Variants in STOX2 observed in about 807,000 individuals in gnomAD.
STOX2 encodes the protein storkhead-box protein 2.
Under a neutral mutation model 60.9 loss-of-function variants are expected in STOX2, and 28 were observed. That is an observed-to-expected ratio of 0.46 (90% CI 0.34 to 0.63). The LOEUF (loss-of-function observed/expected upper bound fraction) is 0.63, where lower values mean the gene tolerates loss of function less well. Ranked by LOEUF, STOX2 falls within the 30% of genes least tolerant of loss-of-function variation. STOX2 has a pLI of 0.01. For missense variants in STOX2, 1,024 were observed against 1,187.7 expected, an observed-to-expected ratio of 0.86 and a Z score of 2.03; for synonymous variants, 472 against 463.9, an observed-to-expected ratio of 1.02 and a Z score of -0.22.
intron 1 of STOX2, among the ~76,000 whole-genome samples, chr4:183,971,573 A>G (rs1743743397): frequency 6.6e-6 from 1 of 152,190 alleles, no homozygotes; most frequent in South Asian, 2.1e-4. Flanking sequence ...GAACCACAAA[A>G]AGGAAGCTAA....
At chr4:183,878,024 C>G (rs943611280) in intron 1 of STOX2, among the ~76,000 whole-genome samples, 2 of 152,158 alleles carry the variant, frequency 1.3e-5, no homozygotes, top group Admixed American at 6.5e-5. Flanking sequence ...TCCTATTAAG[C>G]CCTGACAACA....
chr4:183,843,058 G>T (rs1739901294), intron 1 of STOX2, among the ~76,000 whole-genome samples: 1 of 147,164 alleles, frequency 6.8e-6, no homozygotes, highest in Admixed American at 7.0e-5. Flanking sequence ...CTGAGGCAGA[G>T]AATTGCTTGA....
rs143034947 is a variant in STOX2, at chr4:184,011,338, A to G, written c.2500A>G (p.Ser834Gly). 4.5e-4 allele frequency: 729 copies of G among 1,614,064 alleles called. 7 individuals are homozygous for G. In the African/African-American group the frequency reaches 7.7e-3, roughly 17 times the overall value. ...TGCTCCAAAAGAAACCGACAGCAGC[A>G]GCAACCAGAGAGCCACCCATTCAGC... ...LLAPKETDSS[S>G]NQRATHSARL... Residue 834 changes from serine (S) to glycine (G), a missense_variant, in exon 3 of 4, where the codon AGC (serine) becomes GGC (glycine). Ser to Gly is a moderately conservative substitution (Grantham distance 56). This residue lies in a region of STOX2 where 922 missense variants were observed against 1,058.3 expected (regional missense o/e 0.87). Transcript: ENST00000308497. This position sits in a 1 kb window ranked among gnomAD's most constrained non-coding sequence, Gnocchi z 4.4.
chr4:184,004,322 A>G (rs1168331636), intron 2 of STOX2, among the ~76,000 whole-genome samples: 1 of 152,224 alleles, frequency 6.6e-6, no homozygotes, highest in East Asian at 1.9e-4. Flanking sequence ...TTTCTGGGTC[A>G]GGCGCAGTGG....
chr4:183,909,464 G>T (rs545174389), intron 1 of STOX2, among the ~76,000 whole-genome samples: 13 of 152,130 alleles, frequency 8.5e-5, no homozygotes, highest in Non-Finnish European at 1.3e-4. Context: ...CCTTATACTT[G>T]ATTTTTAGTA....
chr4:183,937,081 ACT>A (rs1742609107), intron 1 of STOX2, among the ~76,000 whole-genome samples: 1 of 152,172 alleles, frequency 6.6e-6, no homozygotes, highest in Non-Finnish European at 1.5e-5. Flanking sequence ...ATTTTTATGC[ACT>A]CAGGGCAGTG....
chr4:183,893,010 A>C (rs533722607), intron 1 of STOX2, among the ~76,000 whole-genome samples: 24 of 152,296 alleles, frequency 1.6e-4, no homozygotes, highest in African/African-American at 5.5e-4. Context: ...GTAAGCACAG[A>C]GTATCTAGGG....
intron 1 of STOX2, among the ~76,000 whole-genome samples, chr4:183,930,661 C>T (rs952685959): frequency 7.2e-5 from 11 of 152,154 alleles, no homozygotes; most frequent in Admixed American, 2.6e-4. Context: ...CTGGCCATAA[C>T]TTTTGTTTCA....
intron 1 of STOX2, among the ~76,000 whole-genome samples, chr4:183,861,919 C>T (rs539869309): frequency 6.6e-6 from 1 of 152,292 alleles, no homozygotes; most frequent in East Asian, 1.9e-4. Context: ...CAGGTGGTAA[C>T]TAGAACATTA....
chr4:183,930,225 G>T (rs867567140), intron 1 of STOX2, among the ~76,000 whole-genome samples: 3 of 150,716 alleles, frequency 2.0e-5, no homozygotes, highest in Admixed American at 1.3e-4. Flanking sequence ...GAGTGCACTG[G>T]TACAGTCATA....
At chr4:183,804,628 AG>A (rs1378110091) in intron 1 of STOX2, among the ~76,000 whole-genome samples, 2 of 152,250 alleles carry the variant, frequency 1.3e-5, no homozygotes, top group Admixed American at 6.5e-5. Flanking sequence ...TGGCTCCTAA[AG>A]AAGCTTATCT....
intron 1 of STOX2, among the ~76,000 whole-genome samples, chr4:183,989,192 T>G (rs55924214): frequency 0.17 from 21,033 of 122,554 alleles, 1,826 homozygotes; most frequent in East Asian, 0.41. Flanking sequence ...TTTTTTTTTT[T>G]TGTTTGTTTG....
At chr4:183,898,953 GGTGA>G (rs1313982872) in intron 1 of STOX2, among the ~76,000 whole-genome samples, 3 of 152,244 alleles carry the variant, frequency 2.0e-5, no homozygotes, top group East Asian at 3.9e-4. Context: ...TCAACGCTGT[GGTGA>G]GTAAGTCTAT....
intron 1 of STOX2, among the ~76,000 whole-genome samples, chr4:183,863,804 C>G (rs962026933): frequency 6.6e-6 from 1 of 152,186 alleles, no homozygotes; most frequent in Non-Finnish European, 1.5e-5. Flanking sequence ...GATTATTATT[C>G]TTTTAATTTT....
chr4:183,870,968 G>A (rs62340398), intron 1 of STOX2, among the ~76,000 whole-genome samples: 19,081 of 152,210 alleles, frequency 0.13, 1,391 homozygotes, highest in African/African-American at 0.19. Flanking sequence ...AACTTAAGAA[G>A]CCTAGAAATC....
At chr4:183,872,903 A>G (rs1323495562) in intron 1 of STOX2, among the ~76,000 whole-genome samples, 1 of 152,066 alleles carries the variant, frequency 6.6e-6, no homozygotes, top group Non-Finnish European at 1.5e-5. Context: ...GTTTGCTTTT[A>G]GTGAAAGTTT....
At chr4:183,926,626 T>G (rs1318171266) in intron 1 of STOX2, among the ~76,000 whole-genome samples, 1 of 152,066 alleles carries the variant, frequency 6.6e-6, no homozygotes, top group African/African-American at 2.4e-5. Context: ...AAAGTGGGTT[T>G]TTTTTTTTTC....
chr4:183,874,953 AT>A (rs1475236697), intron 1 of STOX2, among the ~76,000 whole-genome samples: 817 of 24,524 alleles, frequency 0.033, 39 homozygotes, highest in Middle Eastern at 0.071. Flanking sequence ...AAAAAAAAAA[AT>A]ATATATATAT....
At position 184,010,275 on chromosome 4, in the gene STOX2, C is replaced by G. The variant is rs61730739; in HGVS notation, c.1437C>G (p.Ser479=). 4,830 of 1,583,012 alleles carry G rather than the reference C, an allele frequency of 3.1e-3. 13 individuals are homozygous for G. Among genetic ancestry groups the G allele is most frequent in the Middle Eastern group, 5.8e-3 (35 of 6,034 alleles). The stretch of plus-strand genomic sequence containing the variant: ...ACAGCCATACACAGGACCGGAGGTC[C>G]AGGAATGAGAGATCCAACAAAGCCA... ...RSHSHTQDRR[S]RNERSNKAKE... is the part of the protein sequence containing the mutation. Residue 479 remains serine, a synonymous_variant, in exon 3 of 4, where the codon TCC becomes TCG. Transcript: ENST00000308497. The surrounding 1 kb of genome is among the most constrained non-coding windows in gnomAD (Gnocchi z 4.5).
Sources: gnomAD v4.1 joint callset for allele counts (sites outside exome capture counted in the v4.1 genomes callset) on GRCh38, gnomAD v4.1.1 for gene constraint, gnomAD v4.1.1 regional missense constraint, Gnocchi (gnomAD v3.1) non-coding constraint, MANE v1.5 for transcripts, NCBI Gene and HGNC (gene_info 2026-07-23, HGNC 2026-07-21) for gene names.